The following SNX29 variants were observed in gnomAD, a reference collection of about 807,000 sequenced individuals.
The protein encoded by SNX29 is sorting nexin-29.
Under a neutral mutation model 102.1 loss-of-function variants are expected in SNX29, and 78 were observed. That is an observed-to-expected ratio of 0.76 (90% CI 0.64 to 0.92). SNX29 has a LOEUF of 0.92. Among genes scored for constraint, SNX29 ranks in the 40% least tolerant of loss-of-function variants. SNX29 has a pLI of 0.00. For synonymous variants in SNX29, 580 were observed against 414.5 expected (o/e 1.40, Z -4.85); for missense variants, 1,280 against 1,061.7 (o/e 1.21, Z -2.86).
At chr16:12,549,863 G>C (rs1332991755) in intron 20 of SNX29, among the ~76,000 whole-genome samples, 2 of 152,258 alleles carry the variant, frequency 1.3e-5, no homozygotes. Flanking sequence ...TGGTGAAACA[G>C]CCAAAGATGG....
chr16:12,170,197 C>T (rs1360865238), intron 13 of SNX29, among the ~76,000 whole-genome samples: 2 of 152,002 alleles, frequency 1.3e-5, no homozygotes, highest in Admixed American at 1.3e-4. Flanking sequence ...AGAAGCCTGG[C>T]TCTAGATGGT....
Position 12,456,883 on chromosome 16 carries a change from C to T in SNX29, c.2038-20836C>T, listed in dbSNP as rs2086563499. 2.0e-5 allele frequency among the ~76,000 whole-genome samples: 3 copies of T among 152,160 alleles called. No homozygotes were observed. The South Asian group carries it at 6.2e-4, about 32-fold the overall frequency. ...GAGCTGCTCAGGAGCACCCTCTGAA[C>T]TCCCAGAAGGCCCGGGGCATTAGCA... On this transcript the variant is annotated intron_variant, in intron 18 of 20. Transcript: ENST00000566228.
chr16:12,337,688 T>A (rs2081493367), intron 15 of SNX29, among the ~76,000 whole-genome samples: 1 of 152,166 alleles, frequency 6.6e-6, no homozygotes, highest in South Asian at 2.1e-4. Context: ...GTGACCCATT[T>A]GCCCCAGATT....
intron 14 of SNX29, among the ~76,000 whole-genome samples, chr16:12,275,304 G>A (rs2079210068): frequency 6.6e-6 from 1 of 152,094 alleles, no homozygotes; most frequent in Admixed American, 6.6e-5. Flanking sequence ...CTGGGGAGAG[G>A]GAAGAAGAAT....
At chr16:12,076,545 G>T (rs780320562) in intron 10 of SNX29, among the ~76,000 whole-genome samples, 1 of 152,048 alleles carries the variant, frequency 6.6e-6, no homozygotes, top group Admixed American at 6.5e-5. Context: ...CATGTGATCC[G>T]CCTGCCTTGG....
intron 16 of SNX29, among the ~76,000 whole-genome samples, chr16:12,387,319 T>C (rs1337176317): frequency 1.3e-5 from 2 of 152,036 alleles, no homozygotes; most frequent in African/African-American, 4.8e-5. Flanking sequence ...TACAGCTTGC[T>C]CCGGTGCCCC....
At chr16:12,356,103 G>A (rs1027902054) in intron 15 of SNX29, 60 bp from the exon 16 acceptor site, 27 of 1,500,942 alleles carry the variant, frequency 1.8e-5, no homozygotes, top group South Asian at 3.6e-5. Flanking sequence ...CAGAGAAGGC[G>A]GGATTGGTCC....
intron 15 of SNX29, among the ~76,000 whole-genome samples, chr16:12,286,698 A>G (rs1002604800): frequency 1.3e-5 from 2 of 152,160 alleles, no homozygotes; most frequent in African/African-American, 2.4e-5. Flanking sequence ...ATATACAGAA[A>G]TAAAAGTGTA....
chr16:12,134,593 C>T (rs573598015), intron 13 of SNX29, among the ~76,000 whole-genome samples: 28 of 152,236 alleles, frequency 1.8e-4, no homozygotes, highest in Middle Eastern at 6.8e-3. Context: ...GAGAGCGCAC[C>T]CAAGATGGAA....
At chr16:12,538,845 A>T (rs571304744) in intron 20 of SNX29, among the ~76,000 whole-genome samples, 1 of 152,286 alleles carries the variant, frequency 6.6e-6, no homozygotes, top group Admixed American at 6.5e-5. Flanking sequence ...CACGTGGCAA[A>T]GAGGGGCACA....
intron 15 of SNX29, among the ~76,000 whole-genome samples, chr16:12,345,608 CACT>C (rs1160699787): frequency 6.6e-6 from 1 of 152,146 alleles, no homozygotes; most frequent in African/African-American, 2.4e-5. Flanking sequence ...CTGTTGTTGC[CACT>C]ACTACTGGGG....
intron 19 of SNX29, among the ~76,000 whole-genome samples, chr16:12,486,966 C>T (rs1012331396): frequency 6.6e-6 from 1 of 152,136 alleles, no homozygotes; most frequent in African/African-American, 2.4e-5. Flanking sequence ...AAGTAAGAGG[C>T]TGTAATAAGC....
rs2079140238 is a variant in SNX29 at position 12,569,521 on chromosome 16, T to G, written c.*892T>G. 1 of 231,530 alleles carries G rather than the reference T, an allele frequency of 4.3e-6. No homozygotes were observed. 14.3% of individuals were successfully genotyped at this position (231,530 alleles called of 1,614,324 possible). A position where few individuals can be genotyped will look rare whatever the true frequency, so the allele number is the denominator to read the frequency against. The stretch of plus-strand genomic sequence containing the variant: ...GGGTTTTCAAACCAGGCTCCATGAC[T>G]ATGAAGTTGGACCCAGTGTGGACAC... On this transcript the variant is annotated 3_prime_UTR_variant, in exon 21 of 21. Coordinates refer to ENST00000566228, the MANE Select transcript of SNX29 (RefSeq NM_032167.5).
chr16:12,154,296 CT>C (rs1366639875), intron 13 of SNX29, among the ~76,000 whole-genome samples: 2 of 152,198 alleles, frequency 1.3e-5, no homozygotes, highest in Non-Finnish European at 2.9e-5. Flanking sequence ...GTGAAAACTG[CT>C]CCTCCAGGCT....
intron 19 of SNX29, among the ~76,000 whole-genome samples, chr16:12,494,498 C>T (rs1231992113): frequency 6.6e-6 from 1 of 152,150 alleles, no homozygotes; most frequent in Non-Finnish European, 1.5e-5. Context: ...CTTTCACTTG[C>T]ATCCAGAGTA....
At chr16:12,545,938 A>C (rs1359131446) in intron 20 of SNX29, among the ~76,000 whole-genome samples, 1 of 152,076 alleles carries the variant, frequency 6.6e-6, no homozygotes, top group Admixed American at 6.5e-5. Context: ...ATATTTATGT[A>C]TTATCCTGAC....
intron 15 of SNX29, among the ~76,000 whole-genome samples, chr16:12,308,105 C>T (rs548601006): frequency 4.7e-4 from 72 of 152,350 alleles, no homozygotes; most frequent in Non-Finnish European, 6.8e-4. Flanking sequence ...CTACAGCCTG[C>T]GAGGGCTCAC....
At chr16:12,081,058 C>T (rs2051850482) in intron 11 of SNX29, among the ~76,000 whole-genome samples, 1 of 152,188 alleles carries the variant, frequency 6.6e-6, no homozygotes, top group Non-Finnish European at 1.5e-5. Flanking sequence ...TATCTCACTA[C>T]TGTAAATGGA....
chr16:12,022,152 G>GT (rs1353188854), intron 3 of SNX29, among the ~76,000 whole-genome samples: 1 of 111,276 alleles, frequency 9.0e-6, no homozygotes, highest in African/African-American at 3.4e-5. Context: ...CGTTAAAATT[G>GT]TAAGTATACA....
Sources: gnomAD v4.1 joint callset for allele counts (sites outside exome capture counted in the v4.1 genomes callset) on GRCh38, gnomAD v4.1.1 for gene constraint, MANE v1.5 for transcripts, NCBI Gene and HGNC (gene_info 2026-07-23, HGNC 2026-07-21) for gene names.